Variants in UBN2 observed in about 807,000 individuals in gnomAD.
UBN2 encodes the protein ubinuclein 2, also known as ubinuclein-2.
In UBN2, 35 loss-of-function variants were observed where a neutral mutation model predicts 120.2. The observed-to-expected ratio is 0.29, with a 90% CI of 0.22 to 0.39. The LOEUF (loss-of-function observed/expected upper bound fraction) is 0.39, where lower values mean the gene tolerates loss of function less well. UBN2 is among the 10% of genes least tolerant of loss of function. The probability of loss-of-function intolerance (pLI) is 1.00; values close to 1 mark genes in which losing one functional copy is unlikely to be tolerated. For synonymous variants in UBN2, 661 were observed against 648.7 expected (o/e 1.02, Z -0.29); for missense variants, 1,693 against 1,663.2 (o/e 1.02, Z -0.31).
At chr7:139,289,839 T>G (rs560932278) in intron 15 of UBN2, among the ~76,000 whole-genome samples, 1 of 152,300 alleles carries the variant, frequency 6.6e-6, no homozygotes, top group East Asian at 1.9e-4. Context: ...CCTTGGAGAC[T>G]CTTTATCATC....
chr7:139,259,277 TAAAAG>T lies in UBN2; in HGVS notation c.815_819del (p.Lys272ArgfsTer2). On this transcript the variant is annotated frameshift_variant, in exon 5 of 18. Transcript: ENST00000473989. LOFTEE classifies it high-confidence loss of function. ...TTTATCATTTTGCAGGTCCCCAAAA[TAAAAG>T]AAGATGATATTGAGATGAAGAAGCG... is the stretch of plus-strand genomic sequence containing the variant. 1 of 1,612,100 alleles carries T rather than the reference TAAAAG, an allele frequency of 6.2e-7. No homozygotes were observed. Among genetic ancestry groups the T allele is most frequent in the Non-Finnish European group, 8.5e-7 (1 of 1,179,372 alleles).
At chr7:139,323,868 GTAT>G in the UBN2 span, among the ~76,000 whole-genome samples, 2 of 152,076 alleles carry the variant, frequency 1.3e-5, no homozygotes, top group African/African-American at 2.4e-5. Context: ...GGAAAAAGCG[GTAT>G]TATTATTTTG....
chr7:139,308,781 C>G (rs1034281672), downstream of UBN2, among the ~76,000 whole-genome samples: 4 of 152,142 alleles, frequency 2.6e-5, no homozygotes, highest in African/African-American at 9.7e-5. Flanking sequence ...CTTAGAAATT[C>G]AGGTAAGAGG....
Position 139,285,016 on chromosome 7 carries a change from A to G in UBN2, c.3669+442A>G, listed in dbSNP as rs775189246. ...CTCCTGCCAATTTTCTTATTTTTCA[A>G]TCAAATTTATACATTCATGTTATTT... On this transcript the variant is annotated intron_variant, in intron 15 of 17. Coordinates refer to ENST00000473989, the MANE Select transcript of UBN2 (RefSeq NM_173569.4). Among the ~76,000 whole-genome samples the G allele has an allele frequency of 7.9e-5, 12 of 152,142 alleles. 1 individual carries two copies. Among genetic ancestry groups the G allele is most frequent in the Non-Finnish European group, 1.5e-4 (10 of 68,028 alleles).
chr7:139,269,034 C>G (rs998957586), intron 7 of UBN2, among the ~76,000 whole-genome samples: 11 of 152,038 alleles, frequency 7.2e-5, no homozygotes, highest in Non-Finnish European at 1.6e-4. Context: ...TGGTGAAACC[C>G]CATCTCTACT....
intron 11 of UBN2, among the ~76,000 whole-genome samples, chr7:139,274,381 A>C (rs567152244): frequency 1.3e-5 from 2 of 152,278 alleles, no homozygotes; most frequent in African/African-American, 4.8e-5. Flanking sequence ...TTGGGAGAGG[A>C]GCTTTATAGG....
intron 5 of UBN2, among the ~76,000 whole-genome samples, chr7:139,260,283 A>G (rs1796890853): frequency 6.6e-6 from 1 of 151,676 alleles, no homozygotes; most frequent in Admixed American, 6.6e-5. Context: ...ATTTTTGTAC[A>G]GATGGTGTTT....
In UBN2 at chr7:139,303,211, T is replaced by G. The variant is rs2131089739; in HGVS notation, c.*5375T>G. The G allele has an allele frequency of 6.6e-6, 1 of 152,348 alleles. No homozygotes were observed. The highest frequency in any genetic ancestry group is 1.9e-4 in the East Asian group (1 of 5,188). The allele number at this position is 152,348 out of a possible 1,614,324, so 9.4% of individuals were successfully genotyped here. A position where few individuals can be genotyped will look rare whatever the true frequency, so the allele number is the denominator to read the frequency against. ...CATTTGCTTTTTATTTGCTAGATAATTACATTTGGCTTAATCTGATTTTAT... is the reference window on the plus strand; with the variant it reads ...CATTTGCTTTTTATTTGCTAGATAAGTACATTTGGCTTAATCTGATTTTAT... On this transcript the variant is annotated 3_prime_UTR_variant, in exon 18 of 18. Transcript: ENST00000473989.
intron 16 of UBN2, 115 bp downstream of exon 16, chr7:139,293,578 T>TG: frequency 1.1e-6 from 1 of 949,200 alleles, no homozygotes. Flanking sequence ...TATAGTTTTT[T>TG]TTTTTTTTTT....
intron 12 of UBN2, among the ~76,000 whole-genome samples, chr7:139,278,221 G>C (rs1277009864): frequency 1.5e-4 from 20 of 137,150 alleles, no homozygotes; most frequent in Admixed American, 1.2e-3. Context: ...TTGCTCTGTC[G>C]CCCAGGCTGG....
At chr7:139,258,162 C>T (rs923552358) in intron 3 of UBN2, among the ~76,000 whole-genome samples, 7 of 152,194 alleles carry the variant, frequency 4.6e-5, no homozygotes, top group Non-Finnish European at 7.3e-5. Flanking sequence ...CTTGATTTCT[C>T]ATCAGAACCA....
chr7:139,327,115 C>A, the UBN2 span, among the ~76,000 whole-genome samples: 9 of 152,238 alleles, frequency 5.9e-5, no homozygotes, highest in Non-Finnish European at 8.8e-5. Flanking sequence ...CTCACCGCAA[C>A]CTCCGCCTCC....
intron 15 of UBN2, among the ~76,000 whole-genome samples, chr7:139,287,910 T>C (rs1460651460): frequency 1.3e-5 from 2 of 152,230 alleles, no homozygotes; most frequent in African/African-American, 4.8e-5. Flanking sequence ...TCTGTGGGTG[T>C]CTGCTCATTT....
intron 1 of UBN2, among the ~76,000 whole-genome samples, chr7:139,233,104 T>C (rs1437732685): frequency 6.6e-6 from 1 of 152,248 alleles, no homozygotes; most frequent in East Asian, 1.9e-4. Context: ...CAAAGTATCA[T>C]GTTGAACAAT....
chr7:139,276,478 C>T (rs1327732697), intron 12 of UBN2: 2 of 333,620 alleles, frequency 6.0e-6, no homozygotes, highest in Admixed American at 9.2e-5. Flanking sequence ...TAATCTACAG[C>T]CCTCTGTGTC....
chr7:139,266,952 T>C (rs1168823579), intron 7 of UBN2, among the ~76,000 whole-genome samples: 1 of 152,206 alleles, frequency 6.6e-6, no homozygotes. Flanking sequence ...ATATATAATA[T>C]AGATTGTATT....
chr7:139,269,530 G>T lies in UBN2; in HGVS notation c.1596+7G>T, dbSNP rs778454741. 4 of 1,613,106 alleles carry T rather than the reference G, an allele frequency of 2.5e-6. No individual in the cohort carries two copies. Among genetic ancestry groups the T allele is most frequent in the East Asian group, 2.2e-5 (1 of 44,842 alleles). On this transcript the variant is annotated splice_region_variant and intron_variant, in intron 8 of 17. Coordinates refer to ENST00000473989, the MANE Select transcript of UBN2 (RefSeq NM_173569.4). ...GTTACATCTCAATGTCCAGGTAAGA[G>T]GAAGAACAATAATATCTACATCTTG...
the UBN2 span, among the ~76,000 whole-genome samples, chr7:139,328,560 T>C: frequency 6.6e-6 from 1 of 152,192 alleles, no homozygotes; most frequent in Non-Finnish European, 1.5e-5. Context: ...AGTTGCATCC[T>C]GGCTCACATG....
rs764841119 is a variant in UBN2 at position 139,252,008 on chromosome 7, T to A, written c.614T>A (p.Ile205Lys). ...GATCGGCTACAAGATTTAATTGATA[T>A]AGGCTTTGGCTATGATGAGACAGAT... is the stretch of plus-strand genomic sequence containing the variant. Reference protein sequence around the residue: ...RKDRLQDLIDIGFGYDETDPF... With the variant: ...RKDRLQDLIDKGFGYDETDPF... Residue 205 changes from isoleucine (I) to lysine (K), a missense_variant, in exon 3 of 18, where the codon ATA (isoleucine) becomes AAA (lysine). By Grantham distance (102) the Ile-to-Lys change is moderately radical. This residue lies in a region of UBN2 where 663 missense variants were observed against 591.2 expected (regional missense o/e 1.12). Coordinates refer to ENST00000473989, the MANE Select transcript of UBN2 (RefSeq NM_173569.4). 9 of 1,614,040 alleles carry A rather than the reference T, an allele frequency of 5.6e-6. No individual in the cohort carries two copies. The highest frequency in any genetic ancestry group is 7.6e-6 in the Non-Finnish European group (9 of 1,180,014).
Sources: allele counts gnomAD v4.1 joint callset (sites outside exome capture counted in the v4.1 genomes callset), GRCh38; gene constraint gnomAD v4.1.1; regional missense constraint gnomAD v4.1.1; transcripts MANE v1.5; gene names NCBI Gene and HGNC (gene_info 2026-07-23, HGNC 2026-07-21).